The following VEZT variants were observed in gnomAD, a reference collection of about 807,000 sequenced individuals.
The protein encoded by VEZT is vezatin, adherens junctions transmembrane protein, also known as vezatin.
Under a neutral mutation model 79.9 loss-of-function variants are expected in VEZT, and 39 were observed. That is an observed-to-expected ratio of 0.49 (90% CI 0.38 to 0.64). The LOEUF (loss-of-function observed/expected upper bound fraction) is 0.64, where lower values mean the gene tolerates loss of function less well. VEZT is among the 30% of genes least tolerant of loss of function. The pLI, the probability that VEZT is intolerant of heterozygous loss-of-function variation, is 0.00. For missense variants in VEZT, 837 were observed against 893.1 expected, an observed-to-expected ratio of 0.94 and a Z score of 0.80; for synonymous variants, 325 against 327.6, an observed-to-expected ratio of 0.99 and a Z score of 0.09.
chr12:95,268,903 A>C (rs1398194355), intron 5 of VEZT, among the ~76,000 whole-genome samples: 1 of 152,208 alleles, frequency 6.6e-6, no homozygotes, highest in Admixed American at 6.5e-5. Flanking sequence ...TGAAATCATG[A>C]ATGCTGTTTT....
intron 1 of VEZT, chr12:95,245,408 C>G: frequency 2.3e-6 from 1 of 430,524 alleles, no homozygotes; most frequent in Non-Finnish European, 4.6e-6. Flanking sequence ...TACCAGAGCA[C>G]TCAATATTTC....
At chr12:95,264,350 T>TA (rs2065104019) in intron 4 of VEZT, among the ~76,000 whole-genome samples, 1 of 152,236 alleles carries the variant, frequency 6.6e-6, no homozygotes, top group East Asian at 1.9e-4. Flanking sequence ...ACTATTAACA[T>TA]ACAAAAGTAT....
intron 1 of VEZT, chr12:95,224,347 A>G (rs1024922885): frequency 1.2e-4 from 51 of 436,228 alleles, no homozygotes; most frequent in Non-Finnish European, 2.0e-4. Context: ...AGGGTCTTGC[A>G]CTGTTGCCTA....
intron 1 of VEZT, among the ~76,000 whole-genome samples, chr12:95,231,837 A>G (rs938087621): frequency 6.6e-6 from 1 of 152,184 alleles, no homozygotes; most frequent in African/African-American, 2.4e-5. Context: ...GATAAGTGAA[A>G]AGGCTATATA....
intron 1 of VEZT, among the ~76,000 whole-genome samples, chr12:95,243,075 A>G (rs2061254649): frequency 6.6e-6 from 1 of 152,166 alleles, no homozygotes; most frequent in Non-Finnish European, 1.5e-5. Flanking sequence ...AGAGAATACT[A>G]CAATGAAAAC....
intron 1 of VEZT, among the ~76,000 whole-genome samples, chr12:95,250,353 A>G (rs1297497210): frequency 3.5e-5 from 5 of 142,484 alleles, no homozygotes; most frequent in Non-Finnish European, 3.0e-5. Context: ...CCCAGGCTGG[A>G]ATGTAATGGC....
chr12:95,299,969 T>C (rs1371267968), intron 11 of VEZT, 196 bp from the exon 12 acceptor site: 1 of 380,160 alleles, frequency 2.6e-6, no homozygotes. Flanking sequence ...CTATCTCATT[T>C]CATTTCTTAG....
chr12:95,269,813 A>T (rs1364299266), intron 5 of VEZT: 1 of 351,480 alleles, frequency 2.8e-6, no homozygotes. Context: ...GCTCTTTGAG[A>T]TGTTAATTTT....
intron 1 of VEZT, among the ~76,000 whole-genome samples, chr12:95,237,195 A>G (rs1335017840): frequency 5.9e-5 from 9 of 152,214 alleles, no homozygotes; most frequent in South Asian, 2.1e-4. Context: ...GTTTACTACT[A>G]TCTGTCCTTG....
At chr12:95,243,581 C>A (rs1363768049) in intron 1 of VEZT, among the ~76,000 whole-genome samples, 1 of 152,098 alleles carries the variant, frequency 6.6e-6, no homozygotes, top group South Asian at 2.1e-4. Context: ...CTAATTTCAC[C>A]TGTAAATGTA....
rs796655417 is a variant in VEZT, at chr12:95,222,501, AT to A, written c.36+4619del. 1.3e-3 allele frequency among the ~76,000 whole-genome samples: 203 copies of A among 151,870 alleles called. 1 individual carries two copies. Among genetic ancestry groups the A allele is most frequent in the African/African-American group, 4.8e-3 (197 of 41,416 alleles). ...GACACTGTCTTCTTTGCCATTGATC[AT>A]TTTGTCTATTCGTGTGTTAATACCA... On this transcript the variant is annotated intron_variant, in intron 1 of 11. Coordinates refer to ENST00000436874, the MANE Select transcript of VEZT (RefSeq NM_017599.4).
intron 9 of VEZT, among the ~76,000 whole-genome samples, chr12:95,289,046 C>T (rs1019174496): frequency 1.3e-5 from 2 of 149,976 alleles, no homozygotes; most frequent in South Asian, 2.1e-4. Context: ...GCCACTGCTG[C>T]ACTCCAGCCT....
chr12:95,228,309 A>T (rs1017050876), intron 1 of VEZT, among the ~76,000 whole-genome samples: 1 of 152,172 alleles, frequency 6.6e-6, no homozygotes, highest in Non-Finnish European at 1.5e-5. Flanking sequence ...AAAAGTTATT[A>T]TGCATCTCTG....
intron 1 of VEZT, among the ~76,000 whole-genome samples, chr12:95,237,795 A>G (rs927571125): frequency 6.6e-6 from 1 of 152,142 alleles, no homozygotes; most frequent in Admixed American, 6.5e-5. Flanking sequence ...TTGCTACTTT[A>G]TATTAGCCTT....
chr12:95,294,096 A>C (rs540056038), intron 9 of VEZT, 176 bp from the exon 10 acceptor site: 48 of 517,896 alleles, frequency 9.3e-5, no homozygotes, highest in African/African-American at 6.4e-4. Flanking sequence ...CTTTGTTTCC[A>C]GGCTGGTGTT....
Position 95,225,054 on chromosome 12 carries a change from G to A in VEZT, c.36+7168G>A, listed in dbSNP as rs553114859. ...CTGGCCCACCATCCTGCTGGCCTCG[G>A]GCTGTATTCCTAACAGGCCATGGAC... On this transcript the variant is annotated intron_variant, in intron 1 of 11. Coordinates refer to ENST00000436874, the MANE Select transcript of VEZT (RefSeq NM_017599.4). 1.6e-4 allele frequency among the ~76,000 whole-genome samples: 24 copies of A among 152,284 alleles called. No homozygotes were observed. In the East Asian group the frequency reaches 4.6e-3, roughly 29 times the overall value.
Position 95,282,539 on chromosome 12 carries a change from CAGTACCGCAG to C in VEZT, c.1224_1233del (p.Pro410TyrfsTer11). 6.2e-7 allele frequency: 1 copy of C among 1,614,004 alleles called. No homozygotes were observed. The highest frequency in any genetic ancestry group is 8.5e-7 in the Non-Finnish European group (1 of 1,179,884). ...CGGTACTTTGAAACTCAGCACCAGT[CAGTACCGCAG>C]TGTTTATCCAAAACTCAACAGAAGT... On this transcript the variant is annotated frameshift_variant, in exon 8 of 12. Transcript: ENST00000436874. LOFTEE classifies it high-confidence loss of function.
chr12:95,236,158 C>T (rs532629160), intron 1 of VEZT, among the ~76,000 whole-genome samples: 5 of 152,278 alleles, frequency 3.3e-5, no homozygotes, highest in African/African-American at 1.2e-4. Flanking sequence ...AACGAGACTC[C>T]GTCTGCAATC....
intron 1 of VEZT, among the ~76,000 whole-genome samples, chr12:95,241,329 G>T (rs1012342958): frequency 5.9e-5 from 9 of 152,062 alleles, no homozygotes; most frequent in Non-Finnish European, 2.9e-5. Context: ...GAGCCACCGT[G>T]CCTTGCCAAC....
Sources: allele counts gnomAD v4.1 joint callset (sites outside exome capture counted in the v4.1 genomes callset), GRCh38; gene constraint gnomAD v4.1.1; transcripts MANE v1.5; gene names NCBI Gene and HGNC (gene_info 2026-07-23, HGNC 2026-07-21).